The following ALKBH5 variants were observed in gnomAD, a reference collection of about 807,000 sequenced individuals.
The protein encoded by ALKBH5 is alkB homolog 5, RNA demethylase.
A neutral mutation model predicts 32.1 loss-of-function variants in ALKBH5; 2 were observed. That is an observed-to-expected ratio of 0.06 (90% CI 0.03 to 0.20). The LOEUF (loss-of-function observed/expected upper bound fraction) is 0.20, where lower values mean the gene tolerates loss of function less well. ALKBH5 is among the 10% of genes least tolerant of loss of function. The pLI is 1.00. For missense variants in ALKBH5, 352 were observed against 559.5 expected, an observed-to-expected ratio of 0.63 and a Z score of 3.74; for synonymous variants, 300 against 231.7, an observed-to-expected ratio of 1.29 and a Z score of -2.68.
intron 2 of ALKBH5, among the ~76,000 whole-genome samples, chr17:18,206,041 A>G (rs1374903029): frequency 6.6e-6 from 1 of 152,024 alleles, no homozygotes; most frequent in Non-Finnish European, 1.5e-5. Flanking sequence ...TTTCCATGCC[A>G]GCTCCCTTCT....
Sources: gnomAD v4.1 joint callset for allele counts (sites outside exome capture counted in the v4.1 genomes callset) on GRCh38, gnomAD v4.1.1 for gene constraint, MANE v1.5 for transcripts, NCBI Gene and HGNC (gene_info 2026-07-23, HGNC 2026-07-21) for gene names.